MPPED2: variants seen among roughly 807,000 people sequenced by gnomAD.
MPPED2 encodes the protein metallophosphoesterase domain containing 2, also known as metallophosphoesterase MPPED2.
Under a neutral mutation model 33.0 loss-of-function variants are expected in MPPED2, and 5 were observed. The observed-to-expected ratio is 0.15, with a 90% CI of 0.08 to 0.32. The LOEUF is 0.32. Among genes scored for constraint, MPPED2 ranks in the 10% least tolerant of loss-of-function variants. The pLI, the probability that MPPED2 is intolerant of heterozygous loss-of-function variation, is 1.00. For synonymous variants in MPPED2, 136 were observed against 141.9 expected (o/e 0.96, Z 0.29); for missense variants, 275 against 372.1 (o/e 0.74, Z 2.15).
chr11:30,565,492 C>T (rs1230447447), intron 2 of MPPED2, among the ~76,000 whole-genome samples: 2 of 152,078 alleles, frequency 1.3e-5, no homozygotes, highest in African/African-American at 4.8e-5. Flanking sequence ...CCATCAGAGC[C>T]CCTTTACCTA....
In MPPED2 at chr11:30,458,914, C is replaced by CTTTTTTTTTTT. The variant is rs71060450; in HGVS notation, c.536+36371_536+36381dup. On this transcript the variant is annotated intron_variant, in intron 4 of 6. Transcript: ENST00000358117. Reference sequence around the variant, plus strand: ...TTTTTTAGGACAATTTTGCACAGTTCTTTTTTTTTTTTTTTTTTTTTTTTT... The same window carrying CTTTTTTTTTTT: ...TTTTTTAGGACAATTTTGCACAGTTCTTTTTTTTTTTTTTTTTTTTTTTTTTTTTTTTTTTT... Among the ~76,000 whole-genome samples the CTTTTTTTTTTT allele has an allele frequency of 6.8e-4, 44 of 64,546 alleles. 5 individuals are homozygous for CTTTTTTTTTTT. The highest frequency in any genetic ancestry group is 1.1e-3 in the Non-Finnish European group (38 of 33,380). 42.3% of individuals were successfully genotyped at this position (64,546 alleles called of 152,430 possible). A position where few individuals can be genotyped will look rare whatever the true frequency, so the allele number is the denominator to read the frequency against.
intron 3 of MPPED2, among the ~76,000 whole-genome samples, chr11:30,504,203 T>C (rs1320759923): frequency 6.6e-6 from 1 of 152,142 alleles, no homozygotes; most frequent in Non-Finnish European, 1.5e-5. Flanking sequence ...ATGTTTAATA[T>C]TGTAACTCCA....
At chr11:30,479,141 T>C (rs563294945) in intron 4 of MPPED2, among the ~76,000 whole-genome samples, 29 of 151,968 alleles carry the variant, frequency 1.9e-4, no homozygotes, top group Admixed American at 4.6e-4. Context: ...GGGAATATGC[T>C]GGAGGGAGGG....
At chr11:30,476,795 A>G (rs1201792137) in intron 4 of MPPED2, among the ~76,000 whole-genome samples, 1 of 152,054 alleles carries the variant, frequency 6.6e-6, no homozygotes, top group Non-Finnish European at 1.5e-5. Flanking sequence ...TGAGATTTTT[A>G]CCCAATCAGT....
chr11:30,418,256 A>C (rs914979710), intron 4 of MPPED2, among the ~76,000 whole-genome samples: 4 of 152,210 alleles, frequency 2.6e-5, no homozygotes, highest in Non-Finnish European at 4.4e-5. Flanking sequence ...TTCTGCCACC[A>C]AAGGGAAGAT....
chr11:30,586,671 A>C (rs1368694190), upstream of MPPED2: 1 of 152,268 alleles, frequency 6.6e-6, no homozygotes, highest in African/African-American at 2.4e-5. The surrounding 1 kb of genome is among the most constrained non-coding windows in gnomAD (Gnocchi z 4.8). Context: ...TGCCCCAGGA[A>C]AAGAAGGGAG....
intron 6 of MPPED2, among the ~76,000 whole-genome samples, chr11:30,402,609 C>G (rs1947924409): frequency 6.6e-6 from 1 of 152,142 alleles, no homozygotes. Context: ...ACATATTGAC[C>G]TGGGAAATCT....
intron 3 of MPPED2, among the ~76,000 whole-genome samples, chr11:30,500,713 C>T (rs759849237): frequency 6.6e-6 from 1 of 152,216 alleles, no homozygotes; most frequent in Non-Finnish European, 1.5e-5. Flanking sequence ...TTTGCTTTTG[C>T]ATGTGACTTG....
chr11:30,576,510 G>A lies in MPPED2; in HGVS notation c.128+3736C>T, dbSNP rs558545479. Among the ~76,000 whole-genome samples, 16 of 152,178 alleles carry A rather than the reference G, an allele frequency of 1.1e-4. No homozygotes were observed. The South Asian group carries it at 3.1e-3, about 30-fold the overall frequency. On this transcript the variant is annotated intron_variant, in intron 2 of 6. Transcript: ENST00000358117. Reference sequence around the variant, plus strand: ...TTGTCCTATGGCATTCCAATAACACGGGGATTTCAATGCTAAAACTGAAAT... The same window carrying A: ...TTGTCCTATGGCATTCCAATAACACAGGGATTTCAATGCTAAAACTGAAAT...
rs896879688 is a variant in MPPED2, at chr11:30,411,343, T to A, written c.*125A>T. 2.5e-5 allele frequency: 35 copies of A among 1,380,732 alleles called. No homozygotes were observed. The highest frequency in any genetic ancestry group is 1.0e-4 in the Admixed American group (4 of 38,190). 85.5% of individuals were successfully genotyped at this position (1,380,732 alleles called of 1,614,324 possible). A position where few individuals can be genotyped will look rare whatever the true frequency, so the allele number is the denominator to read the frequency against. On this transcript the variant is annotated 3_prime_UTR_variant, in exon 7 of 7. Transcript: ENST00000358117. ...AAGAAGCACAACCTCTAGCATCATT[T>A]GTGTTCCAACAATTTACAAAAAGAA...
At chr11:30,461,568 C>T (rs1238800711) in intron 4 of MPPED2, among the ~76,000 whole-genome samples, 1 of 151,972 alleles carries the variant, frequency 6.6e-6, no homozygotes, top group Non-Finnish European at 1.5e-5. Flanking sequence ...ACAACGTCTG[C>T]ATTAGGAAAA....
intron 2 of MPPED2, among the ~76,000 whole-genome samples, chr11:30,566,151 A>C (rs1956433764): frequency 6.6e-6 from 1 of 152,208 alleles, no homozygotes; most frequent in Non-Finnish European, 1.5e-5. Context: ...TCCACATATT[A>C]GGAGCAGTTG....
intron 4 of MPPED2, among the ~76,000 whole-genome samples, chr11:30,431,116 A>T (rs1248861452): frequency 6.6e-6 from 1 of 152,186 alleles, no homozygotes; most frequent in Non-Finnish European, 1.5e-5. Context: ...CAGGAAAGCT[A>T]TTCTTTTTGT....
intron 4 of MPPED2, among the ~76,000 whole-genome samples, chr11:30,464,430 A>G (rs1321486294): frequency 6.6e-6 from 1 of 152,144 alleles, no homozygotes; most frequent in Non-Finnish European, 1.5e-5. Flanking sequence ...TGAAAACACA[A>G]CCTACTTACA....
intron 3 of MPPED2, among the ~76,000 whole-genome samples, chr11:30,507,545 A>T (rs1410282977): frequency 3.3e-5 from 5 of 152,222 alleles, no homozygotes; most frequent in Non-Finnish European, 7.3e-5. Context: ...CATTTCAAGT[A>T]CAATATTTAC....
At chr11:30,455,306 GT>G (rs1386269456) in intron 4 of MPPED2, among the ~76,000 whole-genome samples, 1 of 152,168 alleles carries the variant, frequency 6.6e-6, no homozygotes, top group African/African-American at 2.4e-5. Context: ...CCCATACTCT[GT>G]CCCACCAACC....
chr11:30,521,665 C>A (rs1953884246), intron 3 of MPPED2, among the ~76,000 whole-genome samples: 1 of 152,212 alleles, frequency 6.6e-6, no homozygotes, highest in Non-Finnish European at 1.5e-5. Flanking sequence ...TATTAGGTAA[C>A]TTTCTAATGT....
intron 4 of MPPED2, among the ~76,000 whole-genome samples, chr11:30,468,483 T>C (rs74396073): frequency 0.015 from 2,272 of 152,040 alleles, 61 homozygotes; most frequent in African/African-American, 0.052. Context: ...TTTTTGATGA[T>C]GACTAGTCTG....
At chr11:30,497,624 G>A (rs746631530) in intron 3 of MPPED2, among the ~76,000 whole-genome samples, 9 of 152,214 alleles carry the variant, frequency 5.9e-5, no homozygotes, top group Admixed American at 1.3e-4. Flanking sequence ...TTTAGGGCTC[G>A]GGTTCAGGGA....
Sources: allele counts gnomAD v4.1 joint callset (sites outside exome capture counted in the v4.1 genomes callset), GRCh38; gene constraint gnomAD v4.1.1; non-coding constraint Gnocchi (gnomAD v3.1); transcripts MANE v1.5; gene names NCBI Gene and HGNC (gene_info 2026-07-23, HGNC 2026-07-21).